CREB5: variants seen among roughly 807,000 people sequenced by gnomAD.
The protein encoded by CREB5 is cyclic AMP-responsive element-binding protein 5.
In CREB5, 19 loss-of-function variants were observed where a neutral mutation model predicts 57.1. That is an observed-to-expected ratio of 0.33 (90% CI 0.23 to 0.49). The LOEUF (loss-of-function observed/expected upper bound fraction) is 0.49, where lower values mean the gene tolerates loss of function less well. CREB5 is among the 20% of genes least tolerant of loss of function. The pLI, the probability that CREB5 is intolerant of heterozygous loss-of-function variation, is 0.99. For missense variants in CREB5, 579 were observed against 671.6 expected, an observed-to-expected ratio of 0.86 and a Z score of 1.52; for synonymous variants, 238 against 238.3, an observed-to-expected ratio of 1.00 and a Z score of 0.01.
intron 1 of CREB5, among the ~76,000 whole-genome samples, chr7:28,428,692 G>A (rs776440242): frequency 6.6e-6 from 1 of 152,182 alleles, no homozygotes; most frequent in East Asian, 1.9e-4. Context: ...TATGTGAAGA[G>A]ATGCTGAATC....
intron 9 of CREB5, among the ~76,000 whole-genome samples, chr7:28,817,619 G>A (rs747572772): frequency 6.6e-6 from 1 of 152,178 alleles, no homozygotes; most frequent in African/African-American, 2.4e-5. Context: ...AATGTATTAA[G>A]TCCTTATTAT....
At chr7:28,479,878 C>A (rs1791249240) in intron 1 of CREB5, among the ~76,000 whole-genome samples, 1 of 152,196 alleles carries the variant, frequency 6.6e-6, no homozygotes, top group Non-Finnish European at 1.5e-5. Context: ...GGGCTTGATG[C>A]AGTCTCACAT....
chr7:28,406,630 C>T (rs1787586185), intron 1 of CREB5, among the ~76,000 whole-genome samples: 1 of 152,194 alleles, frequency 6.6e-6, no homozygotes, highest in Admixed American at 6.5e-5. Context: ...GTGCTGGCAC[C>T]CCAGGGGGCA....
chr7:28,635,061 C>G lies in CREB5; in HGVS notation c.464+64524C>G, dbSNP rs140580777. ...GGAATTTACTTGGGGCTGTTTATTCCAGGGACTTTTTTATGTGTTTCTTTT... is the reference window on the plus strand; with the variant it reads ...GGAATTTACTTGGGGCTGTTTATTCGAGGGACTTTTTTATGTGTTTCTTTT... On this transcript the variant is annotated intron_variant, in intron 5 of 10. Coordinates refer to ENST00000357727, the MANE Select transcript of CREB5 (RefSeq NM_182898.4). 4.1e-3 allele frequency among the ~76,000 whole-genome samples: 626 copies of G among 152,258 alleles called. 2 individuals are homozygous for G. The highest frequency in any genetic ancestry group is 0.014 in the African/African-American group (591 of 41,560).
At chr7:28,580,775 C>T (rs1257386554) in intron 5 of CREB5, among the ~76,000 whole-genome samples, 1 of 152,040 alleles carries the variant, frequency 6.6e-6, no homozygotes, top group Non-Finnish European at 1.5e-5. Flanking sequence ...ACAGAGGCTT[C>T]TCAAAGGAGC....
Position 28,570,436 on chromosome 7 carries a change from G to T in CREB5, c.363G>T (p.Arg121=). The change falls in exon 5 of 11, where the codon CGG becomes CGT. Residue 121 remains arginine (R), a synonymous_variant. Coordinates refer to ENST00000357727, the MANE Select transcript of CREB5 (RefSeq NM_182898.4). ...GPGTHQLSSA[R]LPNHDTNVVI... Reference sequence around the variant, plus strand: ...GAACTCACCAGCTTAGCAGCGCTCGGCTGCCCAACCATGACACCAACGTTG... The same window carrying T: ...GAACTCACCAGCTTAGCAGCGCTCGTCTGCCCAACCATGACACCAACGTTG... The T allele has an allele frequency of 6.2e-7, 1 of 1,614,208 alleles. No individual in the cohort carries two copies. Among genetic ancestry groups the T allele is most frequent in the South Asian group, 1.1e-5 (1 of 91,080 alleles).
intron 5 of CREB5, among the ~76,000 whole-genome samples, chr7:28,666,149 A>G (rs1297177293): frequency 6.6e-6 from 1 of 152,196 alleles, no homozygotes. Flanking sequence ...TGTTGTGAAG[A>G]TGAAACTTGC....
At chr7:28,687,049 T>C (rs1800973814) in intron 5 of CREB5, among the ~76,000 whole-genome samples, 1 of 152,162 alleles carries the variant, frequency 6.6e-6, no homozygotes, top group South Asian at 2.1e-4. Flanking sequence ...GTGTGTTGTA[T>C]GAAAAGTGAA....
At chr7:28,516,548 G>A (rs908930658) in intron 4 of CREB5, among the ~76,000 whole-genome samples, 1 of 152,204 alleles carries the variant, frequency 6.6e-6, no homozygotes, top group African/African-American at 2.4e-5. Flanking sequence ...GCTGCAGCCT[G>A]TAAGGGCCAC....
At chr7:28,723,090 G>C (rs1229729160) in intron 6 of CREB5, among the ~76,000 whole-genome samples, 2 of 152,126 alleles carry the variant, frequency 1.3e-5, no homozygotes, top group African/African-American at 4.8e-5. Context: ...AGACTACCTA[G>C]GCTAACTTTA....
chr7:28,367,748 C>T (rs1317061449), intron 1 of CREB5, among the ~76,000 whole-genome samples: 3 of 152,190 alleles, frequency 2.0e-5, no homozygotes, highest in African/African-American at 4.8e-5. Flanking sequence ...GCAGAATTTG[C>T]AGTGAGCTGA....
intron 5 of CREB5, among the ~76,000 whole-genome samples, chr7:28,667,737 G>A (rs1118363): frequency 0.36 from 55,305 of 151,602 alleles, 10,989 homozygotes; most frequent in African/African-American, 0.52. Context: ...TTTTGAAGCC[G>A]AATCCAGCCT....
chr7:28,735,709 C>A (rs1233957879), intron 7 of CREB5, among the ~76,000 whole-genome samples: 1 of 151,988 alleles, frequency 6.6e-6, no homozygotes, highest in Middle Eastern at 3.2e-3. Flanking sequence ...TAGAAAATAT[C>A]TACTTATCAA....
At chr7:28,346,961 G>A (rs1205055929) in intron 1 of CREB5, among the ~76,000 whole-genome samples, 1 of 152,168 alleles carries the variant, frequency 6.6e-6, no homozygotes, top group African/African-American at 2.4e-5. Context: ...GGCCTTGGTA[G>A]GAGAAGAGGC....
At chr7:28,386,925 G>A (rs528509533) in intron 1 of CREB5, among the ~76,000 whole-genome samples, 1 of 152,158 alleles carries the variant, frequency 6.6e-6, no homozygotes, top group Non-Finnish European at 1.5e-5. Flanking sequence ...TTTTATGGCT[G>A]CATAGTATTC....
At chr7:28,395,697 CT>C (rs917747652) in intron 1 of CREB5, among the ~76,000 whole-genome samples, 1 of 152,116 alleles carries the variant, frequency 6.6e-6, no homozygotes, top group Non-Finnish European at 1.5e-5. Context: ...GATATAAAAC[CT>C]TTTTACCCTG....
chr7:28,641,375 C>T lies in CREB5; in HGVS notation c.464+70838C>T, dbSNP rs76154752. 4.9e-4 allele frequency among the ~76,000 whole-genome samples: 75 copies of T among 152,258 alleles called. No homozygotes were observed. In the East Asian group the frequency reaches 0.013, roughly 26 times the overall value. On this transcript the variant is annotated intron_variant, in intron 5 of 10. Transcript: ENST00000357727. ...GGGGAAAGCGTGGAACCAAGAAAAG[C>T]TGGACCCAGGCAGTCCCCTTGCAAA...
chr7:28,325,717 C>T (rs1390890191), intron 1 of CREB5, among the ~76,000 whole-genome samples: 1 of 152,214 alleles, frequency 6.6e-6, no homozygotes, highest in Non-Finnish European at 1.5e-5. Flanking sequence ...GCCTGGAATG[C>T]TCACACCTCT....
chr7:28,524,572 A>G (rs1049118552), intron 4 of CREB5, among the ~76,000 whole-genome samples: 6 of 152,228 alleles, frequency 3.9e-5, no homozygotes, highest in Admixed American at 1.3e-4. Context: ...ACCTAATAAC[A>G]TAGTTATTGG....
Sources: gnomAD v4.1 joint callset for allele counts (sites outside exome capture counted in the v4.1 genomes callset) on GRCh38, gnomAD v4.1.1 for gene constraint, MANE v1.5 for transcripts, NCBI Gene and HGNC (gene_info 2026-07-23, HGNC 2026-07-21) for gene names.